Variants in MAGEL2 observed in about 807,000 individuals in gnomAD.
MAGEL2 encodes MAGE family member L2.
For synonymous variants in MAGEL2, 792 were observed against 721.7 expected (o/e 1.10, Z -1.56); for missense variants, 1,830 against 1,699.2 (o/e 1.08, Z -1.35).
chr15:23,647,843 C>G lies in MAGEL2; in HGVS notation c.-101G>C, dbSNP rs1158929767. The G allele has an allele frequency of 8.1e-7, 1 of 1,230,688 alleles. No homozygotes were observed. Among genetic ancestry groups the G allele is most frequent in the African/African-American group, 1.5e-5 (1 of 65,384 alleles). 76.2% of individuals were successfully genotyped at this position (1,230,688 alleles called of 1,614,324 possible). A position where few individuals can be genotyped will look rare whatever the true frequency, so the allele number is the denominator to read the frequency against. On this transcript the variant is annotated 5_prime_UTR_variant, in exon 1 of 1. Coordinates refer to ENST00000650528, the MANE Select transcript of MAGEL2 (RefSeq NM_019066.5). ...CTACGTGGCTGTTCAGAGGCTCCCT[C>G]CCTGCTGAATGCTGAATAGGAAGTG...
rs1890414185 is a variant in MAGEL2 at position 23,646,687 on chromosome 15, GGGAACCTGC to G, written c.1047_1055del (p.Val351_Gln353del). 6.6e-7 allele frequency: 1 copy of G among 1,520,422 alleles called. No individual in the cohort carries two copies. Among genetic ancestry groups the G allele is most frequent in the Admixed American group, 2.0e-5 (1 of 49,870 alleles). The allele number at this position is 1,520,422 out of a possible 1,614,324, so 94.2% of individuals were successfully genotyped here. On this transcript the variant is annotated inframe_deletion, in exon 1 of 1. Coordinates refer to ENST00000650528, the MANE Select transcript of MAGEL2 (RefSeq NM_019066.5). This position sits in a 1 kb window ranked among gnomAD's most constrained non-coding sequence, Gnocchi z 4.2. ...GCGCTGGGGGTGCCTGCGGGCCCTGGGGAACCTGCGGAGGAGCCCTTATAACTTGAGACT... is the reference window on the plus strand; with the variant it reads ...GCGCTGGGGGTGCCTGCGGGCCCTGGGGAGGAGCCCTTATAACTTGAGACT...
Position 23,643,579 on chromosome 15 carries a change from T to C in MAGEL2, c.*414A>G, listed in dbSNP as rs1890325250. 1 of 154,940 alleles carries C rather than the reference T, an allele frequency of 6.5e-6. No homozygotes were observed. The highest frequency in any genetic ancestry group is 1.4e-5 in the Non-Finnish European group (1 of 70,030). The allele number at this position is 154,940 out of a possible 1,614,324, so 9.6% of individuals were successfully genotyped here. ...CTGAAAGTATATTTATATATATAGA[T>C]ATAGATATTTACTTCTCTGTAGACA... On this transcript the variant is annotated 3_prime_UTR_variant, in exon 1 of 1. Transcript: ENST00000650528.
chr15:23,646,053 G>T lies in MAGEL2; in HGVS notation c.1690C>A (p.Pro564Thr). The T allele has an allele frequency of 1.3e-6, 2 of 1,522,096 alleles. No homozygotes were observed. Among genetic ancestry groups the T allele is most frequent in the South Asian group, 1.2e-5 (1 of 81,436 alleles). The allele number at this position is 1,522,096 out of a possible 1,614,324, so 94.3% of individuals were successfully genotyped here. ...APPAGPQVPQPVLPAPLSAPL... is the reference protein window; with the variant it reads ...APPAGPQVPQTVLPAPLSAPL... ...GCAGACAGCGGGGCCGGCAGCACAG[G>T]CTGGGGCACCTGCGGGCCAGCGGGC... Residue 564 changes from proline to threonine, a missense_variant, in exon 1 of 1, where the codon CCT (proline) becomes ACT (threonine). Transcript: ENST00000650528. The surrounding 1 kb of genome is among the most constrained non-coding windows in gnomAD (Gnocchi z 4.2).
At position 23,647,293 on chromosome 15, in the gene MAGEL2, G is replaced by C. The variant is rs1267468289; in HGVS notation, c.450C>G (p.Ser150=). Residue 150 remains serine, a synonymous_variant, in exon 1 of 1, where the codon TCC becomes TCG. Transcript: ENST00000650528. ...AHPPPPGTPM[S]HPPPPGTPMA... is the part of the protein sequence containing the mutation. ...TTGGGGTCCCCGGAGGGGGAGGGTGGGACATTGGGGTCCCCGGAGGAGGAG... is the reference window on the plus strand; with the variant it reads ...TTGGGGTCCCCGGAGGGGGAGGGTGCGACATTGGGGTCCCCGGAGGAGGAG... 2 of 1,534,298 alleles carry C rather than the reference G, an allele frequency of 1.3e-6. No homozygotes were observed. The highest frequency in any genetic ancestry group is 1.7e-6 in the Non-Finnish European group (2 of 1,145,874).
Position 23,645,741 on chromosome 15 carries a change from C to T in MAGEL2, c.2002G>A (p.Ala668Thr). Residue 668 changes from alanine to threonine, a missense_variant, in exon 1 of 1, where the codon GCC becomes ACC. Transcript: ENST00000650528. Reference protein sequence around the residue: ...AVQIQLPPQQAQASGPQAEVP... With the variant: ...AVQIQLPPQQTQASGPQAEVP... ...TCCGCTTGCGGACCCGATGCCTGGG[C>T]CTGCTGGGGGGGTAGCTGGATTTGC... is the stretch of plus-strand genomic sequence containing the variant. 6.4e-7 allele frequency: 1 copy of T among 1,570,214 alleles called. No individual in the cohort carries two copies. Among genetic ancestry groups the T allele is most frequent in the Non-Finnish European group, 8.6e-7 (1 of 1,160,128 alleles).
Position 23,643,938 on chromosome 15 carries a change from C to T in MAGEL2, c.*55G>A, listed in dbSNP as rs1890334500. 9.4e-6 allele frequency: 14 copies of T among 1,485,890 alleles called. No homozygotes were observed. Among genetic ancestry groups the T allele is most frequent in the Non-Finnish European group, 1.1e-5 (12 of 1,118,636 alleles). The allele number at this position is 1,485,890 out of a possible 1,614,324, so 92.0% of individuals were successfully genotyped here. A position where few individuals can be genotyped will look rare whatever the true frequency, so the allele number is the denominator to read the frequency against. On this transcript the variant is annotated 3_prime_UTR_variant, in exon 1 of 1. Transcript: ENST00000650528. ...ACCAGGAACAAAAATGTCCCCCCAC[C>T]CTGTCAGTGGCCTCTGGCCAGGGAA...
chr15:23,645,819 AG>A lies in MAGEL2; in HGVS notation c.1923del (p.Leu642TrpfsTer60). On this transcript the variant is annotated frameshift_variant, in exon 1 of 1. Transcript: ENST00000650528. LOFTEE classifies it low-confidence loss of function (END_TRUNC). ...TGAAAGGGCTGCTCCAGCTGGACCA[AG>A]GGGGGAGCCTGCCTCTGGGCCTCCT... ...PAQEAQRQAP[P>X]LVQLEQPFQG... is the part of the protein sequence containing the mutation. The A allele has an allele frequency of 1.3e-6, 2 of 1,588,040 alleles. No individual in the cohort carries two copies. Among genetic ancestry groups the A allele is most frequent in the African/African-American group, 1.3e-5 (1 of 74,518 alleles).
Position 23,646,809 on chromosome 15 carries a change from C to A in MAGEL2, c.934G>T (p.Ala312Ser), listed in dbSNP as rs1020091499. The A allele has an allele frequency of 6.5e-7, 1 of 1,535,894 alleles. No individual in the cohort carries two copies. Residue 312 changes from alanine to serine, a missense_variant, in exon 1 of 1, where the codon GCG (alanine) becomes TCG (serine). Physicochemically the swap from Ala to Ser is moderately conservative, Grantham distance 99 (BLOSUM62 1). Transcript: ENST00000650528. This position sits in a 1 kb window ranked among gnomAD's most constrained non-coding sequence, Gnocchi z 4.2. ...GCCATCGGCTGTGCAGGTGGGGCCG[C>A]CGGCTGTGCCATCGGTGCTCCTGAA... ...PASGAPMAQPAAPPAQPMAPP... is the reference protein window; with the variant it reads ...PASGAPMAQPSAPPAQPMAPP...
chr15:23,646,957 C>T lies in MAGEL2; in HGVS notation c.786G>A (p.Pro262=), dbSNP rs772162359. Residue 262 remains proline, a synonymous_variant, in exon 1 of 1, where the codon CCG becomes CCA. Transcript: ENST00000650528. The surrounding 1 kb of genome is among the most constrained non-coding windows in gnomAD (Gnocchi z 4.2). The part of the protein sequence containing the change: ...PAAPGAPMVQ[P]PPAAMMTQPQ... The stretch of plus-strand genomic sequence containing the variant: ...GCTGGGTCATCATGGCTGCTGGAGG[C>T]GGCTGGACCATCGGTGCTCCCGGAG... 2 of 1,536,760 alleles carry T rather than the reference C, an allele frequency of 1.3e-6. No homozygotes were observed. Among genetic ancestry groups the T allele is most frequent in the South Asian group, 1.2e-5 (1 of 84,052 alleles).
rs770374710 is a variant in MAGEL2, at chr15:23,645,746, TG to T, written c.1996del (p.Gln666SerfsTer36). ...TTGCGGACCCGATGCCTGGGCCTGC[TG>T]GGGGGGTAGCTGGATTTGCACGGCT... ...QKAVQIQLPP[Q>X]QAQASGPQAE... On this transcript the variant is annotated frameshift_variant, in exon 1 of 1. Transcript: ENST00000650528. LOFTEE classifies it low-confidence loss of function (END_TRUNC). 2 of 1,572,958 alleles carry T rather than the reference TG, an allele frequency of 1.3e-6. No individual in the cohort carries two copies. Among genetic ancestry groups the T allele is most frequent in the Non-Finnish European group, 1.7e-6 (2 of 1,161,320 alleles).
rs1465594003 is a variant in MAGEL2 at position 23,647,684 on chromosome 15, G to T, written c.59C>A (p.Pro20Gln). The T allele has an allele frequency of 6.7e-7, 1 of 1,500,742 alleles. No individual in the cohort carries two copies. The highest frequency in any genetic ancestry group is 8.8e-7 in the Non-Finnish European group (1 of 1,132,624). The allele number at this position is 1,500,742 out of a possible 1,614,324, so 93.0% of individuals were successfully genotyped here. A position where few individuals can be genotyped will look rare whatever the true frequency, so the allele number is the denominator to read the frequency against. ...DSSPPAEAPK[P>Q]PVYSRPTVLM... is the part of the protein sequence containing the mutation. ...AACCGTAGGGCGGCTATAGACAGGCGGCTTCGGGGCCTCCGCCGGAGGACT... is the reference window on the plus strand; with the variant it reads ...AACCGTAGGGCGGCTATAGACAGGCTGCTTCGGGGCCTCCGCCGGAGGACT... The change falls in exon 1 of 1, where the codon CCG (proline) becomes CAG (glutamine). Residue 20 changes from proline to glutamine, a missense_variant. Physicochemically the swap from Pro to Gln is moderately conservative, Grantham distance 76 (BLOSUM62 -1). Coordinates refer to ENST00000650528, the MANE Select transcript of MAGEL2 (RefSeq NM_019066.5).
Position 23,646,363 on chromosome 15 carries a change from C to A in MAGEL2, c.1380G>T (p.Gln460His). Residue 460 changes from glutamine to histidine, a missense_variant, in exon 1 of 1, where the codon CAG becomes CAT. Physicochemically the swap from Gln to His is conservative, Grantham distance 24 (BLOSUM62 0). Coordinates refer to ENST00000650528, the MANE Select transcript of MAGEL2 (RefSeq NM_019066.5). The surrounding 1 kb of genome is among the most constrained non-coding windows in gnomAD (Gnocchi z 4.2). ...GGGCCTGGCGGATCACAGCGGGGGC[C>A]TGGCGGATCACGGGTGGGGCCTGGC... ...VIRQAPPVIR[Q>H]APAVIRQAPP... The A allele has an allele frequency of 1.4e-6, 2 of 1,382,112 alleles. No individual in the cohort carries two copies. Among genetic ancestry groups the A allele is most frequent in the Non-Finnish European group, 9.3e-7 (1 of 1,078,992 alleles). The allele number at this position is 1,382,112 out of a possible 1,614,324, so 85.6% of individuals were successfully genotyped here. A position where few individuals can be genotyped will look rare whatever the true frequency, so the allele number is the denominator to read the frequency against.
In MAGEL2 at chr15:23,643,973, C is replaced by T. The variant is rs566506798; in HGVS notation, c.*20G>A. On this transcript the variant is annotated 3_prime_UTR_variant, in exon 1 of 1. Transcript: ENST00000650528. ...GCCTCTGGCCAGGGAAACACAGGAGCGAGATCTCTGCTACACCTATTAGCG... is the reference window on the plus strand; with the variant it reads ...GCCTCTGGCCAGGGAAACACAGGAGTGAGATCTCTGCTACACCTATTAGCG... The T allele has an allele frequency of 1.0e-4, 153 of 1,534,996 alleles. 1 individual carries two copies. In the South Asian group the frequency reaches 1.4e-3, roughly 14 times the overall value.
At position 23,647,213 on chromosome 15, in the gene MAGEL2, G is replaced by T. The variant is rs1039431104; in HGVS notation, c.530C>A (p.Thr177Asn). Residue 177 changes from threonine to asparagine, a missense_variant, in exon 1 of 1, where the codon ACC (threonine) becomes AAC (asparagine). Thr to Asn is a moderately conservative substitution (Grantham distance 65). Coordinates refer to ENST00000650528, the MANE Select transcript of MAGEL2 (RefSeq NM_019066.5). ...TPMAHPPPPG[T>N]PMVHPPPPGT... ...CGGAGGAGGAGGATGCACCATCGGG[G>T]TCCCCGGAGGAGGAGGATGGGCCAT... The T allele has an allele frequency of 1.1e-5, 17 of 1,520,236 alleles. No individual in the cohort carries two copies. Among genetic ancestry groups the T allele is most frequent in the African/African-American group, 2.8e-5 (2 of 72,722 alleles). 94.2% of individuals were successfully genotyped at this position (1,520,236 alleles called of 1,614,324 possible).
rs778127117 is a variant in MAGEL2 at position 23,645,554 on chromosome 15, C to T, written c.2189G>A (p.Gly730Asp). Residue 730 changes from glycine to aspartate, a missense_variant, in exon 1 of 1, where the codon GGC (glycine) becomes GAC (aspartate). Physicochemically the swap from Gly to Asp is moderately conservative, Grantham distance 94 (BLOSUM62 -1). Transcript: ENST00000650528. ...GGAGGTCCTGCGCTCTTTAGAGGAG[C>T]CCCTGCGGTCTATAGAAGAGGCCCT... ...ECRASSIDRR[G>D]SSKERRTSSK... 6.2e-7 allele frequency: 1 copy of T among 1,612,898 alleles called. No individual in the cohort carries two copies. The highest frequency in any genetic ancestry group is 8.5e-7 in the Non-Finnish European group (1 of 1,179,410).
Position 23,645,831 on chromosome 15 carries a change from G to T in MAGEL2, c.1912C>A (p.Gln638Lys). 1 of 1,584,248 alleles carries T rather than the reference G, an allele frequency of 6.3e-7. No homozygotes were observed. Among genetic ancestry groups the T allele is most frequent in the South Asian group, 1.1e-5 (1 of 86,992 alleles). Residue 638 changes from glutamine to lysine, a missense_variant, in exon 1 of 1, where the codon CAG becomes AAG. Transcript: ENST00000650528. ...QPLPAQEAQR[Q>K]APPLVQLEQP... is the part of the protein sequence containing the mutation. Reference sequence around the variant, plus strand: ...TCCAGCTGGACCAAGGGGGGAGCCTGCCTCTGGGCCTCCTGGGCAGGCAGG... The same window carrying T: ...TCCAGCTGGACCAAGGGGGGAGCCTTCCTCTGGGCCTCCTGGGCAGGCAGG...
Position 23,644,633 on chromosome 15 carries a change from G to T in MAGEL2, c.3110C>A (p.Ala1037Asp), listed in dbSNP as rs776894525. 1.9e-6 allele frequency: 3 copies of T among 1,613,860 alleles called. No homozygotes were observed. The highest frequency in any genetic ancestry group is 1.1e-5 in the South Asian group (1 of 91,070). ...LVQFLLVKDQ[A>D]KVPVQRSEMV... is the part of the protein sequence containing the mutation. ...CTCCGAGCGCTGGACAGGCACCTTG[G>T]CTTGGTCCTTGACTAAGAGGAACTG... The change falls in exon 1 of 1, where the codon GCC (alanine) becomes GAC (aspartate). Residue 1037 changes from alanine (A) to aspartate (D), a missense_variant. Physicochemically the swap from Ala to Asp is moderately radical, Grantham distance 126 (BLOSUM62 -2). Coordinates refer to ENST00000650528, the MANE Select transcript of MAGEL2 (RefSeq NM_019066.5).
rs918999260 is a variant in MAGEL2 at position 23,644,785 on chromosome 15, C to T, written c.2958G>A (p.Gly986=). 6 of 1,613,592 alleles carry T rather than the reference C, an allele frequency of 3.7e-6. No homozygotes were observed. In the South Asian group the frequency reaches 5.5e-5, roughly 15 times the overall value. The change falls in exon 1 of 1, where the codon GGG becomes GGA. Residue 986 remains glycine, a synonymous_variant. Coordinates refer to ENST00000650528, the MANE Select transcript of MAGEL2 (RefSeq NM_019066.5). ...CAGACACAACTACGGGCAGAGAGCTCCCTGGGCTTTCAGAGAGACCCAGGG... is the reference window on the plus strand; with the variant it reads ...CAGACACAACTACGGGCAGAGAGCTTCCTGGGCTTTCAGAGAGACCCAGGG... ...SRALGLSESP[G]SSLPVVVSEV...
Position 23,644,070 on chromosome 15 carries a change from A to T in MAGEL2, c.3673T>A (p.Trp1225Arg). Residue 1225 changes from tryptophan to arginine, a missense_variant, in exon 1 of 1, where the codon TGG becomes AGG. Trp to Arg is a moderately radical substitution (Grantham distance 101). Coordinates refer to ENST00000650528, the MANE Select transcript of MAGEL2 (RefSeq NM_019066.5). ...HYLEALAECEWEDTDEDEPDT... is the reference protein window; with the variant it reads ...HYLEALAECEREDTDEDEPDT... ...GGTTCATCCTCATCTGTGTCTTCCC[A>T]CTCACACTCTGCGAGCGCTTCAAGG... The T allele has an allele frequency of 6.2e-7, 1 of 1,613,686 alleles. No homozygotes were observed.
Sources: allele counts gnomAD v4.1 joint callset, GRCh38; gene constraint gnomAD v4.1.1; non-coding constraint Gnocchi (gnomAD v3.1); transcripts MANE v1.5; gene names NCBI Gene and HGNC (gene_info 2026-07-23, HGNC 2026-07-21).